Variants in RFK observed in about 807,000 individuals in gnomAD.
RFK encodes 0610038L10Rik.
In RFK, 4 loss-of-function variants were observed where a neutral mutation model predicts 17.6. That is an observed-to-expected ratio of 0.23 (90% CI 0.11 to 0.52). The LOEUF (loss-of-function observed/expected upper bound fraction) is 0.52, where lower values mean the gene tolerates loss of function less well. RFK is among the 20% of genes least tolerant of loss of function. The pLI is 0.96. For synonymous variants in RFK, 59 were observed against 63.8 expected (o/e 0.92, Z 0.36); for missense variants, 189 against 187.7 (o/e 1.01, Z -0.04).
Position 76,392,539 on chromosome 9 carries a change from A to G in RFK, c.113T>C (p.Leu38Pro). 1 of 1,614,232 alleles carries G rather than the reference A, an allele frequency of 6.2e-7. No individual in the cohort carries two copies. Among genetic ancestry groups the G allele is most frequent in the Non-Finnish European group, 8.5e-7 (1 of 1,180,016 alleles). Residue 38 changes from leucine (L) to proline (P), a missense_variant, in exon 2 of 4, where the codon CTT (leucine) becomes CCT (proline). This residue lies in a region of RFK where 90 missense variants were observed against 75.4 expected (regional missense o/e 1.19). Coordinates refer to ENST00000376736, the MANE Select transcript of RFK (RefSeq NM_018339.6). ...ANFPEQVVDN[L>P]PADISTGIYY... is the part of the protein sequence containing the mutation. ...AATACCAGTGGATATATCAGCTGGA[A>G]GATTATCTACCACTTGCTCAGGAAA...
intron 2 of RFK, among the ~76,000 whole-genome samples, chr9:76,391,638 A>G (rs532738261): frequency 1.8e-4 from 27 of 152,378 alleles, no homozygotes; most frequent in Middle Eastern, 3.4e-3. Flanking sequence ...TTTCACAGAC[A>G]GCAATTATCA....
At chr9:76,388,463 A>G in intron 3 of RFK, 91 bp downstream of exon 3, 1 of 792,908 alleles carries the variant, frequency 1.3e-6, no homozygotes, top group Non-Finnish European at 2.2e-6. Context: ...CTCAAATATT[A>G]TCTGTCCTGC....
At chr9:76,388,129 T>G (rs2131553273) in intron 3 of RFK, 1 of 382,404 alleles carries the variant, frequency 2.6e-6, no homozygotes, top group Non-Finnish European at 5.1e-6. Flanking sequence ...TATTTACACT[T>G]GTAAAAGAAA....
intron 1 of RFK, among the ~76,000 whole-genome samples, chr9:76,393,023 G>A (rs184888320): frequency 6.6e-6 from 1 of 152,064 alleles, no homozygotes; most frequent in East Asian, 1.9e-4. Context: ...TCCATTTTCC[G>A]GCTCAGATTT....
At chr9:76,392,713 GC>G in intron 1 of RFK, 144 bp from the exon 2 acceptor site, 1 of 731,740 alleles carries the variant, frequency 1.4e-6, no homozygotes. Flanking sequence ...TTTGAGACCG[GC>G]CCGGGTAACA....
chr9:76,391,176 GC>G (rs1406563715), intron 2 of RFK, among the ~76,000 whole-genome samples: 1 of 152,178 alleles, frequency 6.6e-6, no homozygotes, highest in Non-Finnish European at 1.5e-5. Flanking sequence ...GAAATACTGA[GC>G]AAAATGTTAA....
At chr9:76,388,981 A>G (rs993394816) in intron 2 of RFK, among the ~76,000 whole-genome samples, 3 of 152,198 alleles carry the variant, frequency 2.0e-5, no homozygotes, top group African/African-American at 7.2e-5. Context: ...AGGACACCAA[A>G]GAGGGAATGA....
intron 2 of RFK, among the ~76,000 whole-genome samples, chr9:76,391,513 G>T (rs1822820549): frequency 6.6e-6 from 1 of 152,212 alleles, no homozygotes; most frequent in Admixed American, 6.5e-5. Flanking sequence ...TCTTAAGAGG[G>T]TGACCAAGCG....
chr9:76,387,278 T>C lies in RFK; in HGVS notation c.*121A>G. ...GATATGATAACAACATTGTACGGTT[T>C]AAACTAATTCACAACTGTAGTAAAG... On this transcript the variant is annotated 3_prime_UTR_variant, in exon 4 of 4. Transcript: ENST00000376736. 1.1e-6 allele frequency: 1 copy of C among 902,700 alleles called. No homozygotes were observed. The highest frequency in any genetic ancestry group is 1.7e-6 in the Non-Finnish European group (1 of 586,780). 55.9% of individuals were successfully genotyped at this position (902,700 alleles called of 1,614,324 possible). A position where few individuals can be genotyped will look rare whatever the true frequency, so the allele number is the denominator to read the frequency against.
intron 1 of RFK, chr9:76,393,662 ACCT>A: frequency 5.6e-6 from 1 of 180,082 alleles, no homozygotes; most frequent in Non-Finnish European, 1.2e-5. Context: ...TCATTCAACT[ACCT>A]ATGTTATCAT....
In RFK at chr9:76,387,236, T is replaced by G. The variant is rs1014950042; in HGVS notation, c.*163A>C. On this transcript the variant is annotated 3_prime_UTR_variant, in exon 4 of 4. Coordinates refer to ENST00000376736, the MANE Select transcript of RFK (RefSeq NM_018339.6). ...TAGTGCTATGATATGATGGGCTTAATTTAATAGTTGAAGCATGATATGATA... is the reference window on the plus strand; with the variant it reads ...TAGTGCTATGATATGATGGGCTTAAGTTAATAGTTGAAGCATGATATGATA... 19 of 612,866 alleles carry G rather than the reference T, an allele frequency of 3.1e-5. No individual in the cohort carries two copies. Among genetic ancestry groups the G allele is most frequent in the Non-Finnish European group, 5.0e-5 (18 of 356,666 alleles). The allele number at this position is 612,866 out of a possible 1,614,324, so 38.0% of individuals were successfully genotyped here.
intron 2 of RFK, among the ~76,000 whole-genome samples, chr9:76,392,062 A>G (rs1263486070): frequency 6.6e-6 from 1 of 152,230 alleles, no homozygotes. Flanking sequence ...CCACAAAGAC[A>G]GTATCTATAG....
Position 76,392,582 on chromosome 9 carries a change from A to T in RFK, c.83-13T>A. On this transcript the variant is annotated splice_polypyrimidine_tract_variant and intron_variant, in intron 1 of 3. Coordinates refer to ENST00000376736, the MANE Select transcript of RFK (RefSeq NM_018339.6). ...TCAGGAAAATTAGCTAAACAACAGA[A>T]GAAAATATTTTGAGTCTTACAAATT... 6.2e-7 allele frequency: 1 copy of T among 1,613,836 alleles called. No homozygotes were observed. Among genetic ancestry groups the T allele is most frequent in the Non-Finnish European group, 8.5e-7 (1 of 1,179,740 alleles).
chr9:76,388,939 A>G (rs1286933919), intron 2 of RFK, among the ~76,000 whole-genome samples: 1 of 152,230 alleles, frequency 6.6e-6, no homozygotes, highest in South Asian at 2.1e-4. Context: ...CACGTATCCA[A>G]GGAAGTAAGT....
intron 1 of RFK, 92 bp downstream of exon 1, chr9:76,393,998 G>C: frequency 8.2e-7 from 1 of 1,223,104 alleles, no homozygotes; most frequent in East Asian, 2.8e-5. Context: ...GCGGTCCGGA[G>C]GCCCCACGCC....
intron 2 of RFK, 39 bp downstream of exon 2, chr9:76,392,379 C>A (rs1196128904): frequency 7.5e-6 from 12 of 1,601,460 alleles, no homozygotes; most frequent in Non-Finnish European, 9.4e-6. Flanking sequence ...TCTAAGTCAT[C>A]ATACCATTTT....
intron 2 of RFK, among the ~76,000 whole-genome samples, chr9:76,390,475 G>A (rs1449369503): frequency 6.6e-6 from 1 of 152,054 alleles, no homozygotes; most frequent in Non-Finnish European, 1.5e-5. Context: ...ACCAGTCTGT[G>A]TAACATGCTG....
Position 76,387,446 on chromosome 9 carries a change from C to T in RFK, c.421G>A (p.Asp141Asn). ...CTTTTAGAAACCTGGAAGAAATTGT[C>T]TTCTTTGATTTTCAAATGTTCTGGT... is the stretch of plus-strand genomic sequence containing the variant. The part of the protein sequence containing the change: ...ELPEHLKIKE[D>N]NFFQVSKSKI... Residue 141 changes from aspartate to asparagine, a missense_variant, in exon 4 of 4, where the codon GAC becomes AAC. This residue lies in a region of RFK where 95 missense variants were observed against 95.7 expected (regional missense o/e 0.99). Transcript: ENST00000376736. 6.2e-7 allele frequency: 1 copy of T among 1,611,272 alleles called. No individual in the cohort carries two copies. The highest frequency in any genetic ancestry group is 8.5e-7 in the Non-Finnish European group (1 of 1,179,252).
chr9:76,390,212 T>C (rs1372939058), intron 2 of RFK, among the ~76,000 whole-genome samples: 1 of 152,208 alleles, frequency 6.6e-6, no homozygotes, highest in South Asian at 2.1e-4. Flanking sequence ...TCAGATACCA[T>C]ACTAAAAAAG....
Sources: allele counts gnomAD v4.1 joint callset (sites outside exome capture counted in the v4.1 genomes callset), GRCh38; gene constraint gnomAD v4.1.1; regional missense constraint gnomAD v4.1.1; transcripts MANE v1.5; gene names NCBI Gene and HGNC (gene_info 2026-07-23, HGNC 2026-07-21).